Variants in RBMS1 observed in about 807,000 individuals in gnomAD.
RBMS1 encodes the protein RNA-binding motif, single-stranded-interacting protein 1.
Under a neutral mutation model 62.3 loss-of-function variants are expected in RBMS1, and 17 were observed. The ratio of observed to expected loss-of-function variants is 0.27; its 90% confidence interval spans 0.19 to 0.41. The LOEUF is 0.41. RBMS1 is among the 10% of genes least tolerant of loss of function. The probability of loss-of-function intolerance (pLI) is 1.00; values close to 1 mark genes in which losing one functional copy is unlikely to be tolerated. For synonymous variants in RBMS1, 172 were observed against 170.0 expected, an observed-to-expected ratio of 1.01 and a Z score of -0.09; for missense variants, 334 against 504.5, an observed-to-expected ratio of 0.66 and a Z score of 3.24.
At chr2:160,324,876 G>GTA (rs1553508257) in intron 2 of RBMS1, among the ~76,000 whole-genome samples, 1 of 42,484 alleles carries the variant, frequency 2.4e-5, no homozygotes, top group Admixed American at 3.9e-4. Flanking sequence ...ATGTGTGTGT[G>GTA]TGTGTGTATA....
At chr2:160,404,791 C>T (rs1337929495) in intron 1 of RBMS1, among the ~76,000 whole-genome samples, 1 of 152,222 alleles carries the variant, frequency 6.6e-6, no homozygotes, top group Non-Finnish European at 1.5e-5. Flanking sequence ...CATCATTCAC[C>T]TCCTAGCTCA....
intron 1 of RBMS1, among the ~76,000 whole-genome samples, chr2:160,446,604 T>A (rs1683660822): frequency 6.6e-6 from 1 of 152,214 alleles, no homozygotes; most frequent in African/African-American, 2.4e-5. Context: ...GGGTCTAAGA[T>A]ATATACCTTT....
chr2:160,375,235 G>A (rs1693935691), intron 1 of RBMS1, among the ~76,000 whole-genome samples: 1 of 152,172 alleles, frequency 6.6e-6, no homozygotes, highest in South Asian at 2.1e-4. Context: ...TTGTTAAACT[G>A]GCAGACTCCA....
intron 2 of RBMS1, among the ~76,000 whole-genome samples, chr2:160,335,418 T>C (rs1691512876): frequency 6.6e-6 from 1 of 152,154 alleles, no homozygotes; most frequent in South Asian, 2.1e-4. Context: ...ACATGACAGT[T>C]ACAGGACAGC....
At position 160,306,595 on chromosome 2, in the gene RBMS1, A is replaced by G. The variant is rs1689538711; in HGVS notation, c.403-3108T>C. 2.0e-5 allele frequency among the ~76,000 whole-genome samples: 3 copies of G among 151,878 alleles called. 1 individual carries two copies. In the South Asian group the frequency reaches 6.2e-4, roughly 32 times the overall value. ...CAAACGGTCAACATATCTTACAAAC[A>G]TTGTCCACAAAGTTGCAGTAATTTA... is the stretch of plus-strand genomic sequence containing the variant. On this transcript the variant is annotated intron_variant, in intron 4 of 13. Coordinates refer to ENST00000348849, the MANE Select transcript of RBMS1 (RefSeq NM_016836.4).
intron 1 of RBMS1, among the ~76,000 whole-genome samples, chr2:160,437,169 A>G (rs1683144243): frequency 6.6e-6 from 1 of 152,334 alleles, no homozygotes; most frequent in African/African-American, 2.4e-5. Context: ...ACTATCCCAA[A>G]GGCCGCCATC....
intron 1 of RBMS1, among the ~76,000 whole-genome samples, chr2:160,474,448 T>C (rs368094063): frequency 1.3e-5 from 2 of 152,202 alleles, no homozygotes; most frequent in African/African-American, 4.8e-5. Flanking sequence ...TGCAAGATCA[T>C]GGGATTTTGC....
chr2:160,367,097 G>A, intron 2 of RBMS1, 119 bp downstream of exon 2: 1 of 984,202 alleles, frequency 1.0e-6, no homozygotes, highest in Non-Finnish European at 1.5e-6. Context: ...TTATTGTTGT[G>A]ACACTGAGAG....
intron 1 of RBMS1, among the ~76,000 whole-genome samples, chr2:160,488,249 G>A (rs1444447282): frequency 6.6e-6 from 1 of 152,156 alleles, no homozygotes; most frequent in African/African-American, 2.4e-5. Context: ...GCACAGCTGA[G>A]TTCCATCAGG....
In RBMS1 at chr2:160,493,542, T is replaced by TTCCTCC. The variant is rs925937562; in HGVS notation, c.-185_-180dup. 5,304 of 494,536 alleles carry TTCCTCC rather than the reference T, an allele frequency of 0.011. 60 individuals are homozygous for TTCCTCC. The highest frequency in any genetic ancestry group is 0.045 in the African/African-American group (1,784 of 39,326). The allele number at this position is 494,536 out of a possible 1,614,324, so 30.6% of individuals were successfully genotyped here. On this transcript the variant is annotated 5_prime_UTR_variant, in exon 1 of 14. Transcript: ENST00000348849. ...AGACGTCCTCCTCCTCCTCCTCCTC[T>TTCCTCC]TCCTCCTCCTCCTCCTCCTCCTCCT...
At position 160,449,096 on chromosome 2, in the gene RBMS1, G is replaced by A. The variant is rs562358461; in HGVS notation, c.75+44193C>T. Among the ~76,000 whole-genome samples the A allele has an allele frequency of 2.1e-3, 321 of 151,206 alleles. 3 individuals are homozygous for A. The highest frequency in any genetic ancestry group is 7.6e-3 in the African/African-American group (312 of 40,994). ...TGGGAAGTGAGGAGCCCCTCCGCCC[G>A]GCAGCCGCCCCGTCTGGGAAGTGAG... On this transcript the variant is annotated intron_variant, in intron 1 of 13. Transcript: ENST00000348849.
At chr2:160,299,181 C>A (rs1689087352) in intron 6 of RBMS1, among the ~76,000 whole-genome samples, 1 of 152,114 alleles carries the variant, frequency 6.6e-6, no homozygotes, top group South Asian at 2.1e-4. Flanking sequence ...GAGAGTGATG[C>A]ATAAATGGGA....
intron 2 of RBMS1, among the ~76,000 whole-genome samples, chr2:160,333,681 A>T (rs1040504256): frequency 6.6e-6 from 1 of 152,210 alleles, no homozygotes; most frequent in Admixed American, 6.5e-5. Flanking sequence ...TGGAGCCAAT[A>T]AGACAGGAAC....
At chr2:160,387,691 T>C (rs1006592663) in intron 1 of RBMS1, among the ~76,000 whole-genome samples, 3 of 152,116 alleles carry the variant, frequency 2.0e-5, no homozygotes, top group African/African-American at 7.2e-5. Context: ...GGGCTCAATA[T>C]ATGCTCAGGA....
At chr2:160,445,236 A>G (rs992200322) in intron 1 of RBMS1, among the ~76,000 whole-genome samples, 1 of 152,242 alleles carries the variant, frequency 6.6e-6, no homozygotes, top group African/African-American at 2.4e-5. Flanking sequence ...ATTCACATCA[A>G]TACATGCAGG....
intron 1 of RBMS1, chr2:160,407,425 C>A: frequency 1.0e-6 from 1 of 986,030 alleles, no homozygotes; most frequent in Non-Finnish European, 1.2e-6. Context: ...TAACGCGGGG[C>A]TCGCCGACCT....
chr2:160,311,228 CTATCTATATA>C (rs1418774973), intron 4 of RBMS1, among the ~76,000 whole-genome samples: 11 of 95,926 alleles, frequency 1.1e-4, no homozygotes, highest in Non-Finnish European at 1.5e-4. Flanking sequence ...ATCTATCTAT[CTATCTATATA>C]TATATATATA....
chr2:160,331,946 A>C (rs1401839158), intron 2 of RBMS1, among the ~76,000 whole-genome samples: 2 of 152,188 alleles, frequency 1.3e-5, no homozygotes, highest in Admixed American at 1.3e-4. Context: ...TCAGCAGAAA[A>C]ATAGGTGCCA....
At chr2:160,474,433 A>G (rs1574104383) in intron 1 of RBMS1, among the ~76,000 whole-genome samples, 1 of 152,192 alleles carries the variant, frequency 6.6e-6, no homozygotes, top group African/African-American at 2.4e-5. Flanking sequence ...CTTTACTGAT[A>G]TGACTGCAAG....
Sources: allele counts gnomAD v4.1 joint callset (sites outside exome capture counted in the v4.1 genomes callset), GRCh38; gene constraint gnomAD v4.1.1; transcripts MANE v1.5; gene names NCBI Gene and HGNC (gene_info 2026-07-23, HGNC 2026-07-21).